Variants in OPHN1 observed in about 807,000 individuals in gnomAD.
OPHN1 encodes the protein oligophrenin 1, also known as oligophrenin-1.
In OPHN1, 11 loss-of-function variants were observed where a neutral mutation model predicts 60.7. The ratio of observed to expected loss-of-function variants is 0.18; its 90% CI spans 0.11 to 0.30. The LOEUF (loss-of-function observed/expected upper bound fraction) is 0.30, where lower values mean the gene tolerates loss of function less well. Ranked by LOEUF, OPHN1 falls within the 10% of genes least tolerant of loss-of-function variation. OPHN1 has a pLI of 1.00. For missense variants in OPHN1, 449 were observed against 611.0 expected, an observed-to-expected ratio of 0.73 and a Z score of 2.80; for synonymous variants, 226 against 222.6, an observed-to-expected ratio of 1.02 and a Z score of -0.14.
At chrX:68,331,299 T>C (rs746255362) in intron 2 of OPHN1, among the ~76,000 whole-genome samples, 126 of 107,824 alleles carry the variant, frequency 1.2e-3, no homozygotes, top group African/African-American at 3.5e-3. Flanking sequence ...ATTATAATAT[T>C]ATATATAAAC....
At chrX:68,244,801 GC>G (rs1293924347) in intron 5 of OPHN1, among the ~76,000 whole-genome samples, 3 of 111,480 alleles carry the variant, frequency 2.7e-5, no homozygotes, top group Admixed American at 9.6e-5. Flanking sequence ...CCTCATACAA[GC>G]CTGTGAATGT....
intron 19 of OPHN1, among the ~76,000 whole-genome samples, chrX:68,080,039 G>C (rs1228090280): frequency 9.0e-6 from 1 of 111,653 alleles, no homozygotes; most frequent in Non-Finnish European, 1.9e-5. Context: ...TCTTTAATCT[G>C]TCTACCCAAG....
chrX:68,379,440 G>T (rs200759682), intron 2 of OPHN1, among the ~76,000 whole-genome samples: 31,018 of 104,247 alleles, frequency 0.3, 7,307 homozygotes, highest in African/African-American at 0.79. Flanking sequence ...CTGCCTAATT[G>T]CCCTGGCCAG....
intron 4 of OPHN1, among the ~76,000 whole-genome samples, chrX:68,275,867 T>G (rs1466839055): frequency 9.0e-6 from 1 of 111,104 alleles, no homozygotes; most frequent in Admixed American, 9.6e-5. Context: ...CCTCTTGTTC[T>G]GTGTATAGGT....
At chrX:68,381,592 C>G (rs1056279266) in intron 2 of OPHN1, among the ~76,000 whole-genome samples, 4 of 111,383 alleles carry the variant, frequency 3.6e-5, no homozygotes, top group African/African-American at 1.3e-4. Flanking sequence ...TTTATTTCCA[C>G]CTAGGTTCAC....
intron 15 of OPHN1, among the ~76,000 whole-genome samples, chrX:68,188,696 T>A (rs1019132009): frequency 7.1e-5 from 8 of 111,913 alleles, no homozygotes; most frequent in Admixed American, 9.5e-5. Context: ...TTTTGTTTTA[T>A]TTGCTAGGGG....
At chrX:68,350,247 AAAAT>A (rs1335839678) in intron 2 of OPHN1, among the ~76,000 whole-genome samples, 1 of 111,431 alleles carries the variant, frequency 9.0e-6, no homozygotes, top group Non-Finnish European at 1.9e-5. Context: ...ATGTATCAAC[AAAAT>A]AAATAATTTT....
chrX:68,155,873 G>A, intron 15 of OPHN1, among the ~76,000 whole-genome samples: 1 of 111,749 alleles, frequency 8.9e-6, no homozygotes, highest in South Asian at 3.8e-4. Flanking sequence ...TAATAACAGA[G>A]GTTATGGTAT....
intron 2 of OPHN1, among the ~76,000 whole-genome samples, chrX:68,363,783 G>A (rs2078485487): frequency 9.0e-6 from 1 of 110,834 alleles, no homozygotes; most frequent in South Asian, 3.8e-4. Context: ...ATATATATGG[G>A]TATAATGACA....
chrX:68,251,472 C>G (rs988649763), intron 5 of OPHN1, among the ~76,000 whole-genome samples: 1 of 109,930 alleles, frequency 9.1e-6, no homozygotes, highest in Non-Finnish European at 1.9e-5. Context: ...GCGAGAGCCA[C>G]CGCACCTGGC....
chrX:68,266,640 C>T (rs2077929611), intron 5 of OPHN1, among the ~76,000 whole-genome samples: 1 of 111,395 alleles, frequency 9.0e-6, no homozygotes, highest in South Asian at 3.8e-4. Flanking sequence ...AAATCACTAG[C>T]TAACATCGTA....
At chrX:68,276,221 C>T (rs1350717272) in intron 4 of OPHN1, among the ~76,000 whole-genome samples, 1 of 111,300 alleles carries the variant, frequency 9.0e-6, no homozygotes, top group African/African-American at 3.3e-5. Context: ...TTTCCAGACC[C>T]TGTCTGATTC....
intron 6 of OPHN1, among the ~76,000 whole-genome samples, chrX:68,217,378 G>T (rs1416028267): frequency 8.9e-6 from 1 of 111,846 alleles, no homozygotes; most frequent in Non-Finnish European, 1.9e-5. Context: ...GCCCAGGCTT[G>T]CATAGGTAAA....
At chrX:68,317,958 G>C (rs184774001) in intron 2 of OPHN1, among the ~76,000 whole-genome samples, 1 of 111,305 alleles carries the variant, frequency 9.0e-6, no homozygotes, top group African/African-American at 3.3e-5. Flanking sequence ...AAGTTACAAC[G>C]TATCAAAAGT....
chrX:68,284,451 T>C (rs754267171), intron 3 of OPHN1, among the ~76,000 whole-genome samples: 1 of 110,828 alleles, frequency 9.0e-6, no homozygotes, highest in African/African-American at 3.3e-5. Context: ...CAGATGCTGA[T>C]GCCATGCTTC....
At chrX:68,078,239 C>T (rs1266345578) in intron 19 of OPHN1, among the ~76,000 whole-genome samples, 1 of 110,961 alleles carries the variant, frequency 9.0e-6, no homozygotes, top group African/African-American at 3.3e-5. Flanking sequence ...GCAAGGAATC[C>T]TGCTAAACAT....
intron 15 of OPHN1, among the ~76,000 whole-genome samples, chrX:68,183,356 T>C (rs979688080): frequency 4.5e-5 from 5 of 111,968 alleles, no homozygotes; most frequent in African/African-American, 1.6e-4. Context: ...ATTGTTGACC[T>C]GAAGAAAATT....
At chrX:68,176,633 T>C (rs2077415435) in intron 15 of OPHN1, among the ~76,000 whole-genome samples, 1 of 111,842 alleles carries the variant, frequency 8.9e-6, no homozygotes, top group South Asian at 3.7e-4. Flanking sequence ...TGGTGGTTCC[T>C]AAAAAACTAG....
At chrX:68,136,906 T>G (rs1204944574) in intron 15 of OPHN1, among the ~76,000 whole-genome samples, 1 of 111,695 alleles carries the variant, frequency 9.0e-6, no homozygotes, top group African/African-American at 3.3e-5. Flanking sequence ...TACATAAAGT[T>G]CTTGAATACT....
Sources: gnomAD v4.1 joint callset for allele counts (sites outside exome capture counted in the v4.1 genomes callset) on GRCh38, gnomAD v4.1.1 for gene constraint, MANE v1.5 for transcripts, NCBI Gene and HGNC (gene_info 2026-07-23, HGNC 2026-07-21) for gene names.